The following ARHGAP31 variants were observed in gnomAD, a reference collection of about 807,000 sequenced individuals.
The protein encoded by ARHGAP31 is rho GTPase-activating protein 31.
Under a neutral mutation model 113.9 loss-of-function variants are expected in ARHGAP31, and 34 were observed. The observed-to-expected ratio is 0.30, with a 90% confidence interval of 0.23 to 0.40. The LOEUF (loss-of-function observed/expected upper bound fraction) is 0.40. ARHGAP31 is among the 10% of genes least tolerant of loss of function. The pLI, the probability that ARHGAP31 is intolerant of heterozygous loss-of-function variation, is 1.00. For synonymous variants in ARHGAP31, 650 were observed against 684.8 expected (o/e 0.95, Z 0.79); for missense variants, 1,548 against 1,767.1 (o/e 0.88, Z 2.22).
intron 6 of ARHGAP31, among the ~76,000 whole-genome samples, chr3:119,387,266 G>T (rs144726727): frequency 0.029 from 4,408 of 152,336 alleles, 190 homozygotes; most frequent in African/African-American, 0.093. Flanking sequence ...GGGCATAACA[G>T]AAGGCTCGCA....
intron 8 of ARHGAP31, among the ~76,000 whole-genome samples, chr3:119,393,994 C>T (rs1324855723): frequency 1.3e-5 from 2 of 152,198 alleles, no homozygotes; most frequent in African/African-American, 4.8e-5. Context: ...CTCTGCCAAT[C>T]TAGGACAATT....
intron 3 of ARHGAP31, among the ~76,000 whole-genome samples, chr3:119,369,775 T>C (rs781661660): frequency 5.7e-4 from 87 of 152,064 alleles, no homozygotes; most frequent in Non-Finnish European, 1.1e-3. Flanking sequence ...TTCATTTCAG[T>C]GATGGGATTT....
chr3:119,370,914 T>C (rs537146865), intron 3 of ARHGAP31, among the ~76,000 whole-genome samples: 1 of 152,324 alleles, frequency 6.6e-6, no homozygotes, highest in South Asian at 2.1e-4. Context: ...TAAAATTTTG[T>C]CACAAATTAC....
intron 1 of ARHGAP31, among the ~76,000 whole-genome samples, chr3:119,309,469 T>C (rs542131996): frequency 2.9e-4 from 44 of 151,956 alleles, no homozygotes; most frequent in Non-Finnish European, 5.0e-4. Context: ...GAGAAGAAAA[T>C]AGAGGTTGGG....
rs1316237787 is a variant in ARHGAP31, at chr3:119,415,893, C to G, written c.3964C>G (p.Leu1322Val). The G allele has an allele frequency of 6.2e-7, 1 of 1,614,226 alleles. No individual in the cohort carries two copies. The highest frequency in any genetic ancestry group is 2.2e-5 in the East Asian group (1 of 44,886). ...GACAGAGCCATCTGGGGACAACCTT[C>G]TTTCTTCAAAACTAGAGCGACCATC... ...SETEPSGDNL[L>V]SSKLERPSGG... The change falls in exon 12 of 12, where the codon CTT (leucine) becomes GTT (valine). Residue 1322 changes from leucine to valine, a missense_variant. Leu to Val is a conservative substitution (Grantham distance 32). Transcript: ENST00000264245.
chr3:119,372,470 A>T (rs1003084491), intron 3 of ARHGAP31, among the ~76,000 whole-genome samples: 3 of 151,906 alleles, frequency 2.0e-5, no homozygotes, highest in African/African-American at 7.3e-5. Flanking sequence ...TTTAGTAGAG[A>T]CGGGGTTTCG....
intron 1 of ARHGAP31, among the ~76,000 whole-genome samples, chr3:119,333,229 G>T (rs75277852): frequency 6.6e-6 from 1 of 152,068 alleles, no homozygotes; most frequent in African/African-American, 2.4e-5. Flanking sequence ...CTTCAAAAAG[G>T]GACTCTGAAT....
rs138378855 is a variant in ARHGAP31, at chr3:119,353,635, T to A, written c.101-11681T>A. 5.0e-3 allele frequency among the ~76,000 whole-genome samples: 753 copies of A among 151,962 alleles called. 11 individuals carry two copies. The highest frequency in any genetic ancestry group is 0.017 in the African/African-American group (724 of 41,436). ...CTGGCCAAGATGGTGAAACCCTGTC[T>A]CTACTAAAAATACATGGTGGTATGG... On this transcript the variant is annotated intron_variant, in intron 1 of 11. Transcript: ENST00000264245.
intron 9 of ARHGAP31, among the ~76,000 whole-genome samples, chr3:119,399,565 C>T (rs1165570881): frequency 1.3e-5 from 2 of 152,260 alleles, no homozygotes; most frequent in African/African-American, 4.8e-5. Flanking sequence ...ACACCTGAAA[C>T]CTAAGGCAGA....
intron 1 of ARHGAP31, among the ~76,000 whole-genome samples, chr3:119,319,801 C>T (rs909763577): frequency 3.9e-5 from 6 of 152,168 alleles, no homozygotes; most frequent in Non-Finnish European, 5.9e-5. Flanking sequence ...TGTGAATCCA[C>T]GAATGTCCAG....
At chr3:119,375,822 T>C (rs2080341812) in intron 3 of ARHGAP31, among the ~76,000 whole-genome samples, 1 of 152,226 alleles carries the variant, frequency 6.6e-6, no homozygotes, top group Admixed American at 6.5e-5. Context: ...ATTTAGTTTA[T>C]ACTGAAATAG....
intron 8 of ARHGAP31, among the ~76,000 whole-genome samples, chr3:119,397,668 C>G (rs1409633452): frequency 1.3e-5 from 2 of 152,298 alleles, no homozygotes; most frequent in African/African-American, 2.4e-5. Flanking sequence ...GCTGGGAGAC[C>G]AAGGGGCTAA....
chr3:119,340,687 C>A (rs1049342407), intron 1 of ARHGAP31, among the ~76,000 whole-genome samples: 6 of 152,162 alleles, frequency 3.9e-5, no homozygotes, highest in Non-Finnish European at 8.8e-5. Context: ...AGGTACCCAG[C>A]CTAGTGCGCA....
intron 1 of ARHGAP31, among the ~76,000 whole-genome samples, chr3:119,308,743 A>G (rs2079652564): frequency 6.6e-6 from 1 of 152,228 alleles, no homozygotes; most frequent in South Asian, 2.1e-4. Flanking sequence ...TATACTGCTT[A>G]CCGCCCTCCA....
chr3:119,398,680 G>A (rs927339524), intron 8 of ARHGAP31, among the ~76,000 whole-genome samples: 2 of 152,220 alleles, frequency 1.3e-5, no homozygotes, highest in African/African-American at 4.8e-5. Context: ...TAATGGGTGA[G>A]ATCACTGGGG....
At chr3:119,405,669 GGATA>G (rs1269970477) in intron 10 of ARHGAP31, among the ~76,000 whole-genome samples, 3 of 152,136 alleles carry the variant, frequency 2.0e-5, no homozygotes, top group Admixed American at 1.3e-4. Context: ...ATAAAGAAGA[GGATA>G]GATATTGGGC....
rs1004509580 is a variant in ARHGAP31, at chr3:119,419,607, A to G, written c.*3343A>G. 3.3e-5 allele frequency: 5 copies of G among 152,216 alleles called. No homozygotes were observed. Among genetic ancestry groups the G allele is most frequent in the African/African-American group, 1.2e-4 (5 of 41,458 alleles). 9.4% of individuals were successfully genotyped at this position (152,216 alleles called of 1,614,324 possible). A position where few individuals can be genotyped will look rare whatever the true frequency, so the allele number is the denominator to read the frequency against. On this transcript the variant is annotated 3_prime_UTR_variant, in exon 12 of 12. Transcript: ENST00000264245. Reference sequence around the variant, plus strand: ...AAATAAAACACCCCCATAAACAACCAGGAGCAAGGTTGAGAACCATTAAGT... The same window carrying G: ...AAATAAAACACCCCCATAAACAACCGGGAGCAAGGTTGAGAACCATTAAGT...
rs545937672 is a variant in ARHGAP31, at chr3:119,330,870, C to T, written c.101-34446C>T. ...GGAACAGACCTGTTTTGTATATGTG[C>T]GATATATTTATAAAGTGTGTGCCTT... On this transcript the variant is annotated intron_variant, in intron 1 of 11. Transcript: ENST00000264245. Among the ~76,000 whole-genome samples the T allele has an allele frequency of 9.9e-4, 150 of 152,254 alleles. 1 individual carries two copies. The highest frequency in any genetic ancestry group is 9.1e-3 in the South Asian group (44 of 4,824).
At chr3:119,371,977 T>C (rs557900444) in intron 3 of ARHGAP31, among the ~76,000 whole-genome samples, 2 of 152,368 alleles carry the variant, frequency 1.3e-5, no homozygotes, top group South Asian at 2.1e-4. Context: ...CCGTGGTGTA[T>C]ATGTACCATA....
Sources: gnomAD v4.1 joint callset for allele counts (sites outside exome capture counted in the v4.1 genomes callset) on GRCh38, gnomAD v4.1.1 for gene constraint, MANE v1.5 for transcripts, NCBI Gene and HGNC (gene_info 2026-07-23, HGNC 2026-07-21) for gene names.